NRIP1: variants seen among roughly 807,000 people sequenced by gnomAD.
NRIP1 encodes nuclear receptor interacting protein 1, also known as nuclear receptor-interacting protein 1.
In NRIP1, 28 loss-of-function variants were observed where a neutral mutation model predicts 75.0. That is an observed-to-expected ratio of 0.37 (90% CI 0.28 to 0.51). The LOEUF (loss-of-function observed/expected upper bound fraction) is 0.51, where lower values mean the gene tolerates loss of function less well. Among genes scored for constraint, NRIP1 ranks in the 20% least tolerant of loss-of-function variants. The pLI is 0.92. For missense variants in NRIP1, 1,435 were observed against 1,343.7 expected, an observed-to-expected ratio of 1.07 and a Z score of -1.06; for synonymous variants, 526 against 487.6, an observed-to-expected ratio of 1.08 and a Z score of -1.04.
intron 1 of NRIP1, among the ~76,000 whole-genome samples, chr21:15,056,054 G>C (rs2089298898): frequency 6.6e-6 from 1 of 152,030 alleles, no homozygotes; most frequent in Non-Finnish European, 1.5e-5. Context: ...CTAAATGGTA[G>C]CATTTTATCA....
At chr21:15,035,993 G>A (rs902360887) in intron 2 of NRIP1, among the ~76,000 whole-genome samples, 5 of 152,172 alleles carry the variant, frequency 3.3e-5, no homozygotes, top group Non-Finnish European at 1.5e-5. Context: ...CAGTAGAGGA[G>A]TATCACTATT....
chr21:14,985,063 T>C (rs1274204471), intron 3 of NRIP1, among the ~76,000 whole-genome samples: 1 of 152,224 alleles, frequency 6.6e-6, no homozygotes, highest in Non-Finnish European at 1.5e-5. Flanking sequence ...GAACCTGCAA[T>C]ATCTCTGAGG....
chr21:15,053,670 C>T (rs1039118993), intron 1 of NRIP1, among the ~76,000 whole-genome samples: 1 of 152,150 alleles, frequency 6.6e-6, no homozygotes, highest in Non-Finnish European at 1.5e-5. Flanking sequence ...CACAGTAGAA[C>T]ACAGTGCATA....
At chr21:15,062,303 C>T (rs1048493701) in intron 1 of NRIP1, among the ~76,000 whole-genome samples, 1 of 152,236 alleles carries the variant, frequency 6.6e-6, no homozygotes, top group African/African-American at 2.4e-5. Context: ...TGAATCACAA[C>T]TCTGTCATGG....
intron 1 of NRIP1, chr21:15,051,317 C>A (rs182065853): frequency 6.4e-6 from 1 of 157,442 alleles, no homozygotes; most frequent in Non-Finnish European, 1.4e-5. Flanking sequence ...TTTATTTTCC[C>A]TTGTTCAGGT....
chr21:14,997,726 C>T (rs987466140), intron 3 of NRIP1, among the ~76,000 whole-genome samples: 2 of 148,372 alleles, frequency 1.3e-5, no homozygotes, highest in Admixed American at 6.8e-5. Context: ...TATATATATA[C>T]ACATAAATAT....
chr21:15,061,358 C>G (rs537048325), intron 1 of NRIP1, among the ~76,000 whole-genome samples: 1 of 152,124 alleles, frequency 6.6e-6, no homozygotes, highest in Admixed American at 6.5e-5. Flanking sequence ...GGGAAAAGTA[C>G]AAGAGTGAAG....
intron 3 of NRIP1, among the ~76,000 whole-genome samples, chr21:15,012,477 C>T (rs753237052): frequency 6.2e-4 from 36 of 57,968 alleles, no homozygotes; most frequent in Non-Finnish European, 8.9e-4. Context: ...TTTTTTGAGA[C>T]GGAGTCTTTC....
At chr21:15,053,256 G>C (rs1340011399) in intron 1 of NRIP1, among the ~76,000 whole-genome samples, 10 of 152,348 alleles carry the variant, frequency 6.6e-5, no homozygotes, top group South Asian at 2.1e-4. Flanking sequence ...GAATGTGTTT[G>C]TGTTGTTAGA....
chr21:15,013,542 T>A (rs2088159503), intron 3 of NRIP1, among the ~76,000 whole-genome samples: 1 of 152,192 alleles, frequency 6.6e-6, no homozygotes, highest in Non-Finnish European at 1.5e-5. Context: ...CAACGGATTA[T>A]GAGCACAATA....
chr21:15,004,312 C>T (rs2087915650), intron 3 of NRIP1, among the ~76,000 whole-genome samples: 1 of 152,196 alleles, frequency 6.6e-6, no homozygotes, highest in Non-Finnish European at 1.5e-5. Flanking sequence ...GAGAAAACTG[C>T]TTTGCTAATA....
At position 14,969,559 on chromosome 21, in the gene NRIP1, G is replaced by C. The variant is rs894910149; in HGVS notation, c.-334-1033C>G. On this transcript the variant is annotated intron_variant, in intron 3 of 3. Transcript: ENST00000318948. ...AAGTGTCAAAATTGACCTAAGGAAG[G>C]GGGGCCATGACACCTTTGGAAGAGA... Among the ~76,000 whole-genome samples, 3 of 152,280 alleles carry C rather than the reference G, an allele frequency of 2.0e-5. No homozygotes were observed. In the East Asian group the frequency reaches 5.8e-4, roughly 29 times the overall value.
At chr21:14,979,208 A>C (rs2087163259) in intron 3 of NRIP1, among the ~76,000 whole-genome samples, 1 of 152,220 alleles carries the variant, frequency 6.6e-6, no homozygotes, top group Admixed American at 6.5e-5. Context: ...CACCTTTCTC[A>C]ACAGCTCTTT....
intron 3 of NRIP1, among the ~76,000 whole-genome samples, chr21:14,980,586 G>C (rs994728940): frequency 7.7e-6 from 1 of 130,222 alleles, no homozygotes; most frequent in Non-Finnish European, 1.6e-5. Flanking sequence ...TTTATTTTAA[G>C]TTACATTTAT....
intron 1 of NRIP1, chr21:15,051,729 C>G (rs2089205219): frequency 6.6e-6 from 1 of 152,234 alleles, no homozygotes; most frequent in Non-Finnish European, 1.5e-5. Flanking sequence ...GACGGGCACA[C>G]AAATCAATCC....
At position 14,964,891 on chromosome 21, in the gene NRIP1, T is replaced by G. The variant is rs773923317; in HGVS notation, c.3302A>C (p.Gln1101Pro). ...REASSAESVS[Q>P]VTAKEELLPT... ...AAGTAACTCTTCTTTGGCTGTGACC[T>G]GTGAGACACTTTCAGCAGATGAAGC... The change falls in exon 4 of 4, where the codon CAG becomes CCG. Residue 1101 changes from glutamine to proline, a missense_variant. By Grantham distance (76) the Gln-to-Pro change is moderately conservative. Transcript: ENST00000318948. 1.2e-6 allele frequency: 2 copies of G among 1,613,184 alleles called. No homozygotes were observed. Among genetic ancestry groups the G allele is most frequent in the Non-Finnish European group, 1.7e-6 (2 of 1,179,580 alleles).
intron 3 of NRIP1, among the ~76,000 whole-genome samples, chr21:14,996,126 G>A (rs962227410): frequency 2.0e-5 from 3 of 152,028 alleles, no homozygotes; most frequent in Non-Finnish European, 4.4e-5. Context: ...AAATTAATTT[G>A]AGTATATTTT....
chr21:15,065,107 A>T (rs1457446858), upstream of NRIP1: 2 of 152,714 alleles, frequency 1.3e-5, no homozygotes, highest in Non-Finnish European at 2.9e-5. Context: ...GCCCCACGCC[A>T]TTCAGCTCTT....
intron 3 of NRIP1, among the ~76,000 whole-genome samples, chr21:14,978,037 TTTTGGCCCAAGGCCAAA>T (rs2087123668): frequency 1.3e-5 from 2 of 152,186 alleles, no homozygotes; most frequent in East Asian, 3.8e-4. Context: ...GGACTTAATT[TTTTGGCCCAAGGCCAAA>T]TTTGCTCCTA....
Sources: gnomAD v4.1 joint callset for allele counts (sites outside exome capture counted in the v4.1 genomes callset) on GRCh38, gnomAD v4.1.1 for gene constraint, MANE v1.5 for transcripts, NCBI Gene and HGNC (gene_info 2026-07-23, HGNC 2026-07-21) for gene names.